Variants in KLHL7 observed in about 807,000 individuals in gnomAD.
KLHL7 encodes the protein kelch-like protein 7.
Under a neutral mutation model 67.4 loss-of-function variants are expected in KLHL7, and 44 were observed. That is an observed-to-expected ratio of 0.65 (90% CI 0.51 to 0.84). The LOEUF (loss-of-function observed/expected upper bound fraction) is 0.84, where lower values mean the gene tolerates loss of function less well. KLHL7 is among the 40% of genes least tolerant of loss of function. KLHL7 has a pLI of 0.00. For synonymous variants in KLHL7, 252 were observed against 243.3 expected (o/e 1.04, Z -0.33); for missense variants, 362 against 718.1 (o/e 0.50, Z 5.67).
Position 23,174,434 on chromosome 7 carries a change from T to C in KLHL7, c.*136T>C. The C allele has an allele frequency of 1.2e-6, 1 of 857,574 alleles. No individual in the cohort carries two copies. The highest frequency in any genetic ancestry group is 1.9e-6 in the Non-Finnish European group (1 of 522,156). The allele number at this position is 857,574 out of a possible 1,614,324, so 53.1% of individuals were successfully genotyped here. On this transcript the variant is annotated 3_prime_UTR_variant, in exon 11 of 11. Coordinates refer to ENST00000339077, the MANE Select transcript of KLHL7 (RefSeq NM_001031710.3). ...CAAGTGAAATGAGGTTCCTATAAAA[T>C]AGATGTTTCTTTTATATGGATTTCC...
intron 1 of KLHL7, among the ~76,000 whole-genome samples, chr7:23,109,145 C>T (rs1165459070): frequency 1.3e-5 from 2 of 152,046 alleles, no homozygotes; most frequent in South Asian, 2.1e-4. Flanking sequence ...TACCATGTTA[C>T]GCTTCTGCCA....
chr7:23,145,808 A>G (rs1390401810), intron 6 of KLHL7, among the ~76,000 whole-genome samples: 1 of 152,192 alleles, frequency 6.6e-6, no homozygotes, highest in Non-Finnish European at 1.5e-5. Flanking sequence ...ACAACTCACT[A>G]CAGCCTTGAC....
At position 23,172,960 on chromosome 7, in the gene KLHL7, G is replaced by T; in HGVS notation, c.1392G>T (p.Leu464=). ...TTAATTTTTTCAGATGGACTGAGCT[G>T]TGTCCAATGATTGAAGCCAGGAAGA... ...YDPATETWTE[L]CPMIEARKNH... is the part of the protein sequence containing the mutation. Residue 464 remains leucine, a synonymous_variant, in exon 10 of 11, where the codon CTG becomes CTT. Transcript: ENST00000339077. 6.2e-7 allele frequency: 1 copy of T among 1,613,230 alleles called. No homozygotes were observed.
intron 1 of KLHL7, chr7:23,106,497 G>A: frequency 1.7e-6 from 2 of 1,158,206 alleles, no homozygotes; most frequent in African/African-American, 1.6e-5. Flanking sequence ...AAGGTGCCGT[G>A]AGATCTTGTG....
chr7:23,160,520 C>T (rs1157712225), intron 7 of KLHL7, among the ~76,000 whole-genome samples: 3 of 152,186 alleles, frequency 2.0e-5, no homozygotes, highest in African/African-American at 4.8e-5. Flanking sequence ...CCACTGGCCT[C>T]ACTTTGGACT....
At chr7:23,154,826 T>G (rs1393293234) in intron 7 of KLHL7, among the ~76,000 whole-genome samples, 3 of 152,216 alleles carry the variant, frequency 2.0e-5, no homozygotes, top group African/African-American at 7.2e-5. Context: ...CTGGTTATAT[T>G]AATCTGATCC....
chr7:23,106,486 T>A (rs1214670575), intron 1 of KLHL7: 1 of 1,184,166 alleles, frequency 8.4e-7, no homozygotes, highest in East Asian at 5.6e-5. Context: ...CGAGCCGTTT[T>A]AAGGTGCCGT....
intron 4 of KLHL7, among the ~76,000 whole-genome samples, chr7:23,137,343 G>GA (rs1300625980): frequency 2.0e-5 from 3 of 152,042 alleles, no homozygotes; most frequent in African/African-American, 7.2e-5. Flanking sequence ...TATAGACTTG[G>GA]AAAAACTAAA....
chr7:23,161,974 G>A (rs1418646481), intron 7 of KLHL7, among the ~76,000 whole-genome samples: 3 of 152,186 alleles, frequency 2.0e-5, no homozygotes, highest in Admixed American at 6.5e-5. Flanking sequence ...GAAAAGATAC[G>A]GAGATTGTGC....
rs778588660 is a variant in KLHL7 at position 23,124,653 on chromosome 7, A to G, written c.224-35A>G. ...GTTCCTCAGTCAAACTTGTGGTAGT[A>G]CAGATGCCATTTATGTTTCTTCTCT... On this transcript the variant is annotated intron_variant, in intron 2 of 10. Coordinates refer to ENST00000339077, the MANE Select transcript of KLHL7 (RefSeq NM_001031710.3). The G allele has an allele frequency of 3.8e-6, 5 of 1,308,800 alleles. No individual in the cohort carries two copies. In the Admixed American group the frequency reaches 5.0e-5, roughly 13 times the overall value. 81.1% of individuals were successfully genotyped at this position (1,308,800 alleles called of 1,614,324 possible). A position where few individuals can be genotyped will look rare whatever the true frequency, so the allele number is the denominator to read the frequency against.
intron 9 of KLHL7, chr7:23,171,052 C>T (rs939634868): frequency 5.4e-5 from 9 of 167,152 alleles, no homozygotes; most frequent in South Asian, 2.3e-4. Context: ...GGATTACAGG[C>T]GCACGCCACC....
chr7:23,140,959 T>G lies in KLHL7; in HGVS notation c.618+15T>G. On this transcript the variant is annotated intron_variant, in intron 5 of 10. Coordinates refer to ENST00000339077, the MANE Select transcript of KLHL7 (RefSeq NM_001031710.3). Reference sequence around the variant, plus strand: ...CAGAGGATCAGGTGACTAAATTGCCTTCTCACATTTTTCTTAATAAAAATG... The same window carrying G: ...CAGAGGATCAGGTGACTAAATTGCCGTCTCACATTTTTCTTAATAAAAATG... 6.2e-7 allele frequency: 1 copy of G among 1,609,208 alleles called. No individual in the cohort carries two copies. Among genetic ancestry groups the G allele is most frequent in the Non-Finnish European group, 8.5e-7 (1 of 1,175,996 alleles).
intron 7 of KLHL7, among the ~76,000 whole-genome samples, chr7:23,158,941 G>A (rs1220369020): frequency 1.3e-5 from 2 of 152,210 alleles, no homozygotes; most frequent in East Asian, 1.9e-4. Context: ...AGACTTACTC[G>A]TAGGGTTTGG....
intron 7 of KLHL7, among the ~76,000 whole-genome samples, chr7:23,158,838 CTG>C (rs1004660683): frequency 6.6e-6 from 1 of 152,130 alleles, no homozygotes; most frequent in African/African-American, 2.4e-5. Context: ...TAGACAATGA[CTG>C]TGTTGGTGGC....
At chr7:23,172,487 C>T (rs1243183471) in intron 9 of KLHL7, among the ~76,000 whole-genome samples, 3 of 152,034 alleles carry the variant, frequency 2.0e-5, no homozygotes, top group South Asian at 4.1e-4. Flanking sequence ...TTGCCTGAGG[C>T]CCATTATAAG....
intron 1 of KLHL7, among the ~76,000 whole-genome samples, chr7:23,108,799 C>T (rs1454349356): frequency 6.6e-6 from 1 of 152,164 alleles, no homozygotes; most frequent in African/African-American, 2.4e-5. Flanking sequence ...ATGGCATAAA[C>T]TCTTGTGTTT....
chr7:23,108,823 C>T (rs142444223), intron 1 of KLHL7, among the ~76,000 whole-genome samples: 9 of 152,290 alleles, frequency 5.9e-5, no homozygotes, highest in Non-Finnish European at 1.2e-4. Flanking sequence ...TTTCTTAAAG[C>T]CAACATTGTT....
At chr7:23,107,853 G>A (rs934373991) in intron 1 of KLHL7, among the ~76,000 whole-genome samples, 1 of 152,168 alleles carries the variant, frequency 6.6e-6, no homozygotes, top group African/African-American at 2.4e-5. Context: ...ATGGAATCAT[G>A]CATCTTTTGC....
intron 4 of KLHL7, among the ~76,000 whole-genome samples, chr7:23,136,139 A>T (rs1415278893): frequency 5.8e-4 from 88 of 152,378 alleles, no homozygotes; most frequent in African/African-American, 2.1e-3. Flanking sequence ...TTAGAAAAGA[A>T]AGAGAATCAG....
Sources: allele counts gnomAD v4.1 joint callset (sites outside exome capture counted in the v4.1 genomes callset), GRCh38; gene constraint gnomAD v4.1.1; transcripts MANE v1.5; gene names NCBI Gene and HGNC (gene_info 2026-07-23, HGNC 2026-07-21).